The following GRID2 variants were observed in gnomAD, a reference collection of about 807,000 sequenced individuals.
GRID2 encodes the protein glutamate receptor ionotropic, delta-2.
In GRID2, 33 loss-of-function variants were observed where a neutral mutation model predicts 114.8. That is an observed-to-expected ratio of 0.29 (90% CI 0.22 to 0.38). The LOEUF (loss-of-function observed/expected upper bound fraction) is 0.38, where lower values mean the gene tolerates loss of function less well. Ranked by LOEUF, GRID2 falls within the 10% of genes least tolerant of loss-of-function variation. The pLI is 1.00. For synonymous variants in GRID2, 505 were observed against 449.9 expected (o/e 1.12, Z -1.55); for missense variants, 1,184 against 1,257.7 (o/e 0.94, Z 0.89).
chr4:92,459,519 C>A (rs150296411), intron 1 of GRID2, among the ~76,000 whole-genome samples: 5 of 152,188 alleles, frequency 3.3e-5, no homozygotes, highest in East Asian at 1.9e-4. Context: ...ATGTTGCTTT[C>A]CAGAGTCTTA....
intron 1 of GRID2, among the ~76,000 whole-genome samples, chr4:92,444,547 G>A (rs75561662): frequency 6.6e-6 from 1 of 152,154 alleles, no homozygotes; most frequent in African/African-American, 2.4e-5. Flanking sequence ...AGGTGGGGCA[G>A]GGCATATTCA....
chr4:93,414,715 T>C (rs1455858410), intron 9 of GRID2, among the ~76,000 whole-genome samples: 1 of 128,548 alleles, frequency 7.8e-6, no homozygotes, highest in African/African-American at 3.5e-5. Context: ...ATTTCCTTTT[T>C]TGTTTGTTGT....
intron 11 of GRID2, among the ~76,000 whole-genome samples, chr4:93,471,942 C>T (rs1418399548): frequency 2.0e-5 from 3 of 149,284 alleles, no homozygotes; most frequent in Non-Finnish European, 3.0e-5. Context: ...TCAGGTGGTC[C>T]GCCTGCCTTG....
chr4:93,060,014 G>A (rs1054498501), intron 2 of GRID2, among the ~76,000 whole-genome samples: 2 of 151,708 alleles, frequency 1.3e-5, no homozygotes, highest in African/African-American at 2.4e-5. Flanking sequence ...TCCTTTCTCA[G>A]AGATTTTTTT....
At position 93,208,079 on chromosome 4, in the gene GRID2, G is replaced by A. The variant is rs78284480; in HGVS notation, c.789+622G>A. The stretch of plus-strand genomic sequence containing the variant: ...CAGAAATGGAAGGAACAATGAGCAG[G>A]TCAGTCATGGACAAATAATGTGATC... On this transcript the variant is annotated intron_variant, in intron 5 of 15. Coordinates refer to ENST00000282020, the MANE Select transcript of GRID2 (RefSeq NM_001510.4). Among the ~76,000 whole-genome samples the A allele has an allele frequency of 8.8e-3, 1,336 of 152,026 alleles. 19 individuals are homozygous for A. Among genetic ancestry groups the A allele is most frequent in the African/African-American group, 0.031 (1,271 of 41,520 alleles).
intron 2 of GRID2, among the ~76,000 whole-genome samples, chr4:92,693,027 AAAAAAAG>A (rs1734251829): frequency 1.3e-5 from 2 of 150,844 alleles, no homozygotes; most frequent in African/African-American, 2.4e-5. Context: ...TCTCAAAAAA[AAAAAAAG>A]AAAAGAAAAG....
chr4:93,788,312 C>T (rs545611699), intron 1 of GRID2, among the ~76,000 whole-genome samples: 80 of 145,162 alleles, frequency 5.5e-4, no homozygotes, highest in Middle Eastern at 6.9e-3. Context: ...AGCGAGACTC[C>T]GCTCAAAAAA....
At chr4:92,635,606 C>T (rs1012336211) in intron 2 of GRID2, among the ~76,000 whole-genome samples, 1 of 151,778 alleles carries the variant, frequency 6.6e-6, no homozygotes, top group Non-Finnish European at 1.5e-5. Flanking sequence ...CACTCTATAC[C>T]TTTAGGAAAG....
intron 2 of GRID2, among the ~76,000 whole-genome samples, chr4:92,835,024 A>G (rs1742359827): frequency 6.6e-6 from 1 of 152,188 alleles, no homozygotes; most frequent in South Asian, 2.1e-4. Context: ...CTGTAATACA[A>G]CAAAGATTGA....
chr4:92,738,585 G>T (rs1202232488), intron 2 of GRID2, among the ~76,000 whole-genome samples: 1 of 152,044 alleles, frequency 6.6e-6, no homozygotes, highest in Non-Finnish European at 1.5e-5. Context: ...TTTGATTTCA[G>T]TTTACTTGAA....
At chr4:93,168,216 G>GGAAGGAAAGGAAAGGAAAGGAAAGA (rs1738443392) in intron 4 of GRID2, among the ~76,000 whole-genome samples, 1 of 150,478 alleles carries the variant, frequency 6.6e-6, no homozygotes, top group Admixed American at 6.7e-5. Context: ...GAAAGAAAAG[G>GGAAGGAAAGGAAAGGAAAGGAAAGA]GAAGGAAAGG....
chr4:93,086,783 T>C (rs909516793), intron 3 of GRID2, among the ~76,000 whole-genome samples: 1 of 152,154 alleles, frequency 6.6e-6, no homozygotes, highest in African/African-American at 2.4e-5. Context: ...TGAAATTCCC[T>C]GATAGGATTA....
intron 8 of GRID2, among the ~76,000 whole-genome samples, chr4:93,248,604 C>G (rs1748465004): frequency 3.3e-5 from 5 of 152,166 alleles, no homozygotes. Context: ...TCAGGCCTAT[C>G]TGGACGCCTC....
rs570878417 is a variant in GRID2 at position 92,566,670 on chromosome 4, A to G, written c.89-23461A>G. ...GAGTGATAACTAATTTACACTATGT[A>G]AAGGGATAGCACAGATATTGTTTTA... On this transcript the variant is annotated intron_variant, in intron 1 of 15. Transcript: ENST00000282020. Among the ~76,000 whole-genome samples the G allele has an allele frequency of 2.6e-5, 4 of 152,212 alleles. No individual in the cohort carries two copies. In the East Asian group the frequency reaches 7.7e-4, roughly 29 times the overall value.
At chr4:93,001,731 T>C (rs538186419) in intron 2 of GRID2, among the ~76,000 whole-genome samples, 240 of 151,800 alleles carry the variant, frequency 1.6e-3, no homozygotes, top group African/African-American at 5.6e-3. Context: ...TTATCAGCTG[T>C]GTGCTGGGTC....
chr4:92,426,578 A>G (rs1371758032), intron 1 of GRID2, among the ~76,000 whole-genome samples: 1 of 152,162 alleles, frequency 6.6e-6, no homozygotes, highest in African/African-American at 2.4e-5. Context: ...ATACTGCTTA[A>G]GTGAGGTTCT....
intron 1 of GRID2, among the ~76,000 whole-genome samples, chr4:93,789,530 A>C (rs891960746): frequency 5.9e-5 from 9 of 152,210 alleles, no homozygotes; most frequent in Admixed American, 1.3e-4. Flanking sequence ...TCCAGCATAC[A>C]GCACAAAAAA....
chr4:92,608,030 G>A (rs1729543187), intron 2 of GRID2, among the ~76,000 whole-genome samples: 1 of 151,828 alleles, frequency 6.6e-6, no homozygotes, highest in South Asian at 2.1e-4. Flanking sequence ...AGTAAGCTCT[G>A]CTTTCCTTTC....
At chr4:92,918,669 A>G (rs1034333039) in intron 2 of GRID2, among the ~76,000 whole-genome samples, 4 of 152,118 alleles carry the variant, frequency 2.6e-5, no homozygotes, top group Non-Finnish European at 5.9e-5. Context: ...ATTTGTGTAT[A>G]TTGAACCAGC....
Sources: gnomAD v4.1 joint callset for allele counts (sites outside exome capture counted in the v4.1 genomes callset) on GRCh38, gnomAD v4.1.1 for gene constraint, MANE v1.5 for transcripts, NCBI Gene and HGNC (gene_info 2026-07-23, HGNC 2026-07-21) for gene names.